The following SCAMP5 variants were observed in gnomAD, a reference collection of about 807,000 sequenced individuals.
The protein encoded by SCAMP5 is secretory carrier membrane protein 5.
SCAMP5 carries 7 observed loss-of-function variants against 28.3 expected under a neutral mutation model. The observed-to-expected ratio is 0.25, with a 90% CI of 0.14 to 0.46. The LOEUF is 0.46. SCAMP5 is among the 20% of genes least tolerant of loss of function. The pLI, the probability that SCAMP5 is intolerant of heterozygous loss-of-function variation, is 0.99. For synonymous variants in SCAMP5, 117 were observed against 116.4 expected, an observed-to-expected ratio of 1.00 and a Z score of -0.03; for missense variants, 192 against 312.5, an observed-to-expected ratio of 0.61 and a Z score of 2.91.
chr15:75,012,620 C>A, intron 2 of SCAMP5, 57 bp from the exon 3 acceptor site: 1 of 1,607,958 alleles, frequency 6.2e-7, no homozygotes, highest in Non-Finnish European at 8.5e-7. Flanking sequence ...GGATGGGCGT[C>A]TTGGATTGTC....
At chr15:75,011,634 T>G (rs1246560935) in intron 1 of SCAMP5, 158 bp from the exon 2 acceptor site, 6 of 413,526 alleles carry the variant, frequency 1.5e-5, no homozygotes, top group Non-Finnish European at 2.6e-5. Flanking sequence ...GAAGGGTGGC[T>G]CTGGGAGGAG....
chr15:74,998,808 G>A (rs2065676164), intron 1 of SCAMP5, among the ~76,000 whole-genome samples: 1 of 152,054 alleles, frequency 6.6e-6, no homozygotes, highest in Admixed American at 6.6e-5. Flanking sequence ...AAACAAGGCA[G>A]CTTTGCCCTC....
In SCAMP5 at chr15:75,005,603, T is replaced by A. The variant is rs910434789; in HGVS notation, c.-48-6189T>A. Among the ~76,000 whole-genome samples the A allele has an allele frequency of 2.0e-5, 3 of 152,366 alleles. No homozygotes were observed. In the East Asian group the frequency reaches 5.8e-4, roughly 29 times the overall value. On this transcript the variant is annotated intron_variant, in intron 1 of 6. Transcript: ENST00000425597. ...ATTTGTCTCGTAGAATTTCCCACAA[T>A]CTGAATTTGTCGGATTGTTTTTTCA...
At position 75,020,623 on chromosome 15, in the gene SCAMP5, G is replaced by GCA; in HGVS notation, c.*1640_*1641insCA. ...TCTGTTCCAAGCAGTGTGAGAACAT[G>GCA]GCTGGTAGAGGCTCTAGCTGTGTGC... On this transcript the variant is annotated 3_prime_UTR_variant, in exon 7 of 7. Coordinates refer to ENST00000425597, the MANE Select transcript of SCAMP5 (RefSeq NM_138967.4). The GCA allele has an allele frequency of 6.6e-6, 1 of 152,370 alleles. No homozygotes were observed. Among genetic ancestry groups the GCA allele is most frequent in the South Asian group, 2.1e-4 (1 of 4,822 alleles). The allele number at this position is 152,370 out of a possible 1,614,324, so 9.4% of individuals were successfully genotyped here. A position where few individuals can be genotyped will look rare whatever the true frequency, so the allele number is the denominator to read the frequency against.
At chr15:74,999,480 G>A (rs569101232) in intron 1 of SCAMP5, among the ~76,000 whole-genome samples, 1 of 152,270 alleles carries the variant, frequency 6.6e-6, no homozygotes, top group East Asian at 1.9e-4. Context: ...AGGGTGGTTG[G>A]GGTGTGTGTG....
chr15:75,016,711 C>G lies in SCAMP5; in HGVS notation c.255C>G (p.Ser85=), dbSNP rs1462139617. The change falls in exon 4 of 7, where the codon TCC becomes TCG. Residue 85 remains serine, a synonymous_variant. Transcript: ENST00000425597. ...GGCTCATCCTCTTCACACCCTGCTCCTACGTCTGCTGGTTTCGGCCCATTT... is the reference window on the plus strand; with the variant it reads ...GGCTCATCCTCTTCACACCCTGCTCGTACGTCTGCTGGTTTCGGCCCATTT... ...FLWLILFTPC[S]YVCWFRPIYK... The G allele has an allele frequency of 1.2e-6, 2 of 1,613,920 alleles. No homozygotes were observed.
At position 74,996,839 on chromosome 15, in the gene SCAMP5, G is replaced by A. The variant is rs2065658593; in HGVS notation, c.-49+1166G>A. ...CTAACTTAGGTTTGTTCTGGGCTTGGTGAGCCTTAGGGCAAAGTCTCTAGA... is the reference window on the plus strand; with the variant it reads ...CTAACTTAGGTTTGTTCTGGGCTTGATGAGCCTTAGGGCAAAGTCTCTAGA... On this transcript the variant is annotated intron_variant, in intron 1 of 6. Transcript: ENST00000425597. The surrounding 1 kb of genome is among the most constrained non-coding windows in gnomAD (Gnocchi z 4.1). Among the ~76,000 whole-genome samples, 1 of 152,176 alleles carries A rather than the reference G, an allele frequency of 6.6e-6. No homozygotes were observed. The highest frequency in any genetic ancestry group is 1.5e-5 in the Non-Finnish European group (1 of 68,044).
intron 4 of SCAMP5, among the ~76,000 whole-genome samples, chr15:75,017,071 G>A (rs988477156): frequency 6.6e-6 from 1 of 152,108 alleles, no homozygotes; most frequent in East Asian, 1.9e-4. Context: ...GGGGCTGCCT[G>A]TCTTGGTGGA....
intron 4 of SCAMP5, among the ~76,000 whole-genome samples, chr15:75,017,039 C>T (rs1389166567): frequency 6.6e-6 from 1 of 152,018 alleles, no homozygotes; most frequent in Admixed American, 6.6e-5. Flanking sequence ...CCTCAGGCAG[C>T]TGCATGTTAA....
intron 1 of SCAMP5, among the ~76,000 whole-genome samples, chr15:75,003,234 A>G (rs1189332126): frequency 6.6e-6 from 1 of 152,170 alleles, no homozygotes; most frequent in Non-Finnish European, 1.5e-5. Context: ...GCAAATTGGC[A>G]ATGTTTTTTC....
intron 1 of SCAMP5, among the ~76,000 whole-genome samples, chr15:74,999,109 G>A (rs1411426980): frequency 6.6e-6 from 1 of 152,158 alleles, no homozygotes; most frequent in African/African-American, 2.4e-5. Flanking sequence ...AACTACATCT[G>A]AATGTGGTCC....
At chr15:75,009,724 C>T (rs1455412396) in intron 1 of SCAMP5, among the ~76,000 whole-genome samples, 1 of 152,086 alleles carries the variant, frequency 6.6e-6, no homozygotes, top group African/African-American at 2.4e-5. Flanking sequence ...GATCCTCCTG[C>T]CTCGGACTCC....
intron 1 of SCAMP5, among the ~76,000 whole-genome samples, chr15:74,998,368 G>A (rs2065671414): frequency 6.6e-6 from 1 of 152,176 alleles, no homozygotes; most frequent in Non-Finnish European, 1.5e-5. Context: ...CACTTGGGGA[G>A]GCCGAGGCGG....
chr15:75,009,441 T>TGTG (rs2065790581), intron 1 of SCAMP5, among the ~76,000 whole-genome samples: 24 of 136,064 alleles, frequency 1.8e-4, no homozygotes, highest in Admixed American at 9.7e-4. Context: ...TGCTAGAAGT[T>TGTG]TGTGTGTGTG....
rs2065893199 is a variant in SCAMP5, at chr15:75,020,083, C to G, written c.*1100C>G. ...GAGCTGGGACATGCTGGGCAGTTGTCAGATGTAAAGGCACAGCTGGAGCAG... is the reference window on the plus strand; with the variant it reads ...GAGCTGGGACATGCTGGGCAGTTGTGAGATGTAAAGGCACAGCTGGAGCAG... On this transcript the variant is annotated 3_prime_UTR_variant, in exon 7 of 7. Transcript: ENST00000425597. 6.6e-6 allele frequency: 1 copy of G among 152,298 alleles called. No homozygotes were observed. The highest frequency in any genetic ancestry group is 1.5e-5 in the Non-Finnish European group (1 of 68,168). The allele number at this position is 152,298 out of a possible 1,614,324, so 9.4% of individuals were successfully genotyped here. A position where few individuals can be genotyped will look rare whatever the true frequency, so the allele number is the denominator to read the frequency against.
chr15:75,004,133 A>T (rs925840103), intron 1 of SCAMP5, among the ~76,000 whole-genome samples: 1 of 151,754 alleles, frequency 6.6e-6, no homozygotes, highest in Admixed American at 6.6e-5. Flanking sequence ...TGAACTCCCG[A>T]CCTCAGGTGA....
At chr15:75,005,676 G>T (rs993623607) in intron 1 of SCAMP5, among the ~76,000 whole-genome samples, 1 of 152,136 alleles carries the variant, frequency 6.6e-6, no homozygotes, top group Non-Finnish European at 1.5e-5. Context: ...ATTCATACAT[G>T]ACCTTGAGTC....
At chr15:75,012,211 C>T (rs2065817953) in intron 2 of SCAMP5, among the ~76,000 whole-genome samples, 1 of 152,146 alleles carries the variant, frequency 6.6e-6, no homozygotes, top group African/African-American at 2.4e-5. Flanking sequence ...GTGTAGAATG[C>T]CAGAGCTGGA....
Position 74,995,587 on chromosome 15 carries a change from T to G in SCAMP5, c.-135T>G, listed in dbSNP as rs1307795266. On this transcript the variant is annotated 5_prime_UTR_variant, in exon 1 of 7. Coordinates refer to ENST00000425597, the MANE Select transcript of SCAMP5 (RefSeq NM_138967.4). ...TCCCCGCCCCCAGCCCCGGAGCGGC[T>G]CGCGGCCGGCTCCGCGCCGCATCGC... 7.0e-6 allele frequency: 1 copy of G among 142,444 alleles called. No homozygotes were observed. Among genetic ancestry groups the G allele is most frequent in the Non-Finnish European group, 1.5e-5 (1 of 65,026 alleles). 8.8% of individuals were successfully genotyped at this position (142,444 alleles called of 1,614,324 possible). A position where few individuals can be genotyped will look rare whatever the true frequency, so the allele number is the denominator to read the frequency against.
Sources: gnomAD v4.1 joint callset for allele counts (sites outside exome capture counted in the v4.1 genomes callset) on GRCh38, gnomAD v4.1.1 for gene constraint, Gnocchi (gnomAD v3.1) non-coding constraint, MANE v1.5 for transcripts, NCBI Gene and HGNC (gene_info 2026-07-23, HGNC 2026-07-21) for gene names.